Variants in GRXCR2 observed in about 807,000 individuals in gnomAD.
GRXCR2 encodes glutaredoxin domain-containing cysteine-rich protein 2.
A neutral mutation model predicts 24.8 loss-of-function variants in GRXCR2; 23 were observed. The ratio of observed to expected loss-of-function variants is 0.93; its 90% CI spans 0.67 to 1.32. The LOEUF is 1.32. GRXCR2 is among the 40% of genes most tolerant of loss of function. The pLI is 0.00. For synonymous variants in GRXCR2, 130 were observed against 116.1 expected, an observed-to-expected ratio of 1.12 and a Z score of -0.77; for missense variants, 315 against 303.4, an observed-to-expected ratio of 1.04 and a Z score of -0.28.
chr5:145,903,369 C>G (rs1757048815), intron 2 of GRXCR2, among the ~76,000 whole-genome samples: 1 of 152,174 alleles, frequency 6.6e-6, no homozygotes, highest in African/African-American at 2.4e-5. Flanking sequence ...AGATCATTCT[C>G]TTCACTCTCT....
At chr5:145,926,409 G>C (rs1757395394) in intron 2 of GRXCR2, among the ~76,000 whole-genome samples, 1 of 152,028 alleles carries the variant, frequency 6.6e-6, no homozygotes, top group African/African-American at 2.4e-5. Flanking sequence ...TTTGTATAAG[G>C]CGTAAGGAAG....
chr5:145,893,102 A>G (rs888448564), intron 2 of GRXCR2, among the ~76,000 whole-genome samples: 1 of 152,164 alleles, frequency 6.6e-6, no homozygotes, highest in African/African-American at 2.4e-5. Context: ...TGTCACCACC[A>G]GGCCTGCCTT....
chr5:145,922,262 T>C (rs1188353953), intron 2 of GRXCR2, among the ~76,000 whole-genome samples: 1 of 152,190 alleles, frequency 6.6e-6, no homozygotes. Flanking sequence ...TCTGTATCTG[T>C]TTGGCTCTCA....
At chr5:145,877,648 G>A (rs917279660), upstream of GRXCR2, among the ~76,000 whole-genome samples, 6 of 152,202 alleles carry the variant, frequency 3.9e-5, no homozygotes, top group Admixed American at 2.6e-4. Context: ...AGTGATCAAC[G>A]CAGAAGACAT....
At position 145,880,559 on chromosome 5, in the gene GRXCR2, A is replaced by G. The variant is rs1286442054; in HGVS notation, c.-69-13831T>C. 2.0e-5 allele frequency among the ~76,000 whole-genome samples: 3 copies of G among 152,172 alleles called. No individual in the cohort carries two copies. In the East Asian group the frequency reaches 5.8e-4, roughly 29 times the overall value. ...ATAATTAATAGCCTACCAACCAAAA[A>G]AAGTCCAGGACCTGAAGGATTCACA... On this transcript the variant is annotated intron_variant, in intron 2 of 3. Coordinates refer to the GRXCR2 transcript ENST00000639411.
intron 2 of GRXCR2, among the ~76,000 whole-genome samples, chr5:145,909,066 G>A (rs1443261757): frequency 6.6e-6 from 1 of 152,116 alleles, no homozygotes; most frequent in African/African-American, 2.4e-5. Flanking sequence ...ACAAAATGGG[G>A]ATGATAACAC....
chr5:145,928,392 C>T (rs1431401065), intron 2 of GRXCR2, among the ~76,000 whole-genome samples: 1 of 152,066 alleles, frequency 6.6e-6, no homozygotes, highest in Non-Finnish European at 1.5e-5. Context: ...ACCCAGCAAT[C>T]CCATTACTGG....
intron 2 of GRXCR2, among the ~76,000 whole-genome samples, chr5:145,927,777 T>C (rs1394055864): frequency 6.6e-6 from 1 of 152,106 alleles, no homozygotes; most frequent in Non-Finnish European, 1.5e-5. Context: ...TCTTAAATGT[T>C]AGACCTAAAA....
At chr5:145,929,911 T>C (rs1757457184) in intron 2 of GRXCR2, among the ~76,000 whole-genome samples, 1 of 152,132 alleles carries the variant, frequency 6.6e-6, no homozygotes, top group African/African-American at 2.4e-5. Context: ...CGTTTCTTTA[T>C]GATACACTAG....
Position 145,872,878 on chromosome 5 carries a change from C to T in GRXCR2, c.91G>A (p.Val31Ile). The change falls in exon 1 of 3, where the codon GTA becomes ATA. Residue 31 changes from valine to isoleucine, a missense_variant. Val to Ile is a conservative substitution (Grantham distance 29). Coordinates refer to ENST00000377976, the MANE Select transcript of GRXCR2 (RefSeq NM_001080516.2). ...FKISSSYSGRVLKQVFEDGQE... is the reference protein window; with the variant it reads ...FKISSSYSGRILKQVFEDGQE... ...CCATCCTCAAAGACCTGCTTCAATA[C>T]TCGACCGCTGTAGGAGGAGGAGATT... 1 of 1,614,172 alleles carries T rather than the reference C, an allele frequency of 6.2e-7. No homozygotes were observed.
chr5:145,912,656 A>G (rs1036068401), intron 2 of GRXCR2, among the ~76,000 whole-genome samples: 4 of 152,306 alleles, frequency 2.6e-5, no homozygotes, highest in African/African-American at 7.2e-5. Flanking sequence ...GTGGGTGGGC[A>G]GTGGAGACGC....
intron 2 of GRXCR2, among the ~76,000 whole-genome samples, chr5:145,919,493 G>A (rs960309676): frequency 6.6e-6 from 1 of 152,152 alleles, no homozygotes; most frequent in Non-Finnish European, 1.5e-5. Context: ...CTTAACCCCA[G>A]TGCAATGCTG....
At chr5:145,877,569 A>T (rs1014047274), upstream of GRXCR2, among the ~76,000 whole-genome samples, 1 of 152,256 alleles carries the variant, frequency 6.6e-6, no homozygotes. Context: ...AATTTATATT[A>T]TAAAACTGTA....
At chr5:145,887,061 A>C (rs1337601164) in intron 2 of GRXCR2, among the ~76,000 whole-genome samples, 1 of 152,214 alleles carries the variant, frequency 6.6e-6, no homozygotes, top group Non-Finnish European at 1.5e-5. Flanking sequence ...CTGATCATCA[A>C]TTTTAAAATT....
rs561158435 is a variant in GRXCR2 at position 145,896,023 on chromosome 5, A to C, written c.-69-29295T>G. Among the ~76,000 whole-genome samples, 135 of 152,286 alleles carry C rather than the reference A, an allele frequency of 8.9e-4. 2 individuals carry two copies. The highest frequency in any genetic ancestry group is 6.8e-3 in the Middle Eastern group (2 of 294). ...CTTTGACAAACCTGACAAAAACAAG[A>C]AATGGGGAAAGGATTCCCTATTTAA... On this transcript the variant is annotated intron_variant, in intron 2 of 3. Transcript: ENST00000639411.
At chr5:145,923,778 C>T (rs867665927) in intron 2 of GRXCR2, among the ~76,000 whole-genome samples, 3 of 151,998 alleles carry the variant, frequency 2.0e-5, no homozygotes, top group Non-Finnish European at 2.9e-5. Flanking sequence ...ATATCCATAT[C>T]GATATATACT....
chr5:145,907,248 G>T (rs988926456), intron 2 of GRXCR2, among the ~76,000 whole-genome samples: 1 of 152,170 alleles, frequency 6.6e-6, no homozygotes, highest in African/African-American at 2.4e-5. Flanking sequence ...GATTGCCCTG[G>T]CGGAATGCAG....
At chr5:145,873,029 T>A (rs1355870835), upstream of GRXCR2, 3 of 1,386,468 alleles carry the variant, frequency 2.2e-6, no homozygotes, top group Non-Finnish European at 3.0e-6. Flanking sequence ...CTTGGGCCTC[T>A]GAGAAAAAGG....
At chr5:145,904,851 G>A (rs1157439964) in intron 2 of GRXCR2, among the ~76,000 whole-genome samples, 2 of 152,184 alleles carry the variant, frequency 1.3e-5, no homozygotes, top group African/African-American at 4.8e-5. Flanking sequence ...TGTTGGTGCT[G>A]GTAGCAGCTG....
Sources: allele counts gnomAD v4.1 joint callset (sites outside exome capture counted in the v4.1 genomes callset), GRCh38; gene constraint gnomAD v4.1.1; transcripts MANE v1.5; gene names NCBI Gene and HGNC (gene_info 2026-07-23, HGNC 2026-07-21).